Variants in SPTLC3 observed in about 807,000 individuals in gnomAD.
SPTLC3 encodes the protein serine palmitoyltransferase 3.
SPTLC3 carries 36 observed loss-of-function variants against 59.3 expected under a neutral mutation model. That is an observed-to-expected ratio of 0.61 (90% CI 0.47 to 0.80). The LOEUF (loss-of-function observed/expected upper bound fraction) is 0.80, where lower values mean the gene tolerates loss of function less well. Among genes scored for constraint, SPTLC3 ranks in the 30% least tolerant of loss-of-function variants. The pLI is 0.00. For synonymous variants in SPTLC3, 257 were observed against 240.8 expected, an observed-to-expected ratio of 1.07 and a Z score of -0.62; for missense variants, 625 against 685.1, an observed-to-expected ratio of 0.91 and a Z score of 0.98.
intron 4 of SPTLC3, among the ~76,000 whole-genome samples, chr20:13,089,989 A>G (rs1007927125): frequency 6.6e-6 from 1 of 152,186 alleles, no homozygotes; most frequent in African/African-American, 2.4e-5. Context: ...CTTTAGCTTT[A>G]CATTTTAAGT....
chr20:13,072,483 G>A, intron 3 of SPTLC3, 73 bp downstream of exon 3: 1 of 1,421,412 alleles, frequency 7.0e-7, no homozygotes, highest in Non-Finnish European at 9.4e-7. Context: ...GCCACTAGAT[G>A]ACAAATCCAA....
intron 1 of SPTLC3, among the ~76,000 whole-genome samples, chr20:13,016,553 A>G (rs1799487955): frequency 1.3e-5 from 2 of 152,188 alleles, no homozygotes; most frequent in Admixed American, 1.3e-4. Flanking sequence ...ACTCTAGGCT[A>G]TCTACCTTAT....
chr20:13,062,045 T>C (rs1987998013), intron 2 of SPTLC3, among the ~76,000 whole-genome samples: 1 of 152,144 alleles, frequency 6.6e-6, no homozygotes, highest in African/African-American at 2.4e-5. Context: ...TTGCTCTTCC[T>C]CAGACACTAC....
intron 4 of SPTLC3, among the ~76,000 whole-genome samples, chr20:13,080,680 A>G (rs1253142292): frequency 1.3e-5 from 2 of 152,190 alleles, no homozygotes; most frequent in Non-Finnish European, 2.9e-5. Flanking sequence ...GAGTGAAGAA[A>G]AGAGCACTCT....
chr20:13,111,713 T>C (rs1379009600), intron 7 of SPTLC3, among the ~76,000 whole-genome samples: 1 of 152,200 alleles, frequency 6.6e-6, no homozygotes, highest in Non-Finnish European at 1.5e-5. Flanking sequence ...AGGCCTAGAT[T>C]CGTGGGAACA....
At chr20:13,138,495 C>T (rs1475832417) in intron 9 of SPTLC3, among the ~76,000 whole-genome samples, 1 of 152,170 alleles carries the variant, frequency 6.6e-6, no homozygotes, top group Non-Finnish European at 1.5e-5. Context: ...CCTAACCCAG[C>T]CCTCCAAATA....
intron 2 of SPTLC3, among the ~76,000 whole-genome samples, chr20:13,068,760 AAAAC>A (rs1988327873): frequency 6.6e-6 from 1 of 151,820 alleles, no homozygotes; most frequent in Non-Finnish European, 1.5e-5. Context: ...TAAAAAAAAA[AAAAC>A]AACAACAACA....
At chr20:13,022,199 C>T (rs1985920941) in intron 1 of SPTLC3, among the ~76,000 whole-genome samples, 1 of 152,180 alleles carries the variant, frequency 6.6e-6, no homozygotes, top group Non-Finnish European at 1.5e-5. Context: ...CTCCTTCATT[C>T]TATTCTGCAT....
At chr20:13,096,178 G>T (rs1007476574) in intron 6 of SPTLC3, among the ~76,000 whole-genome samples, 2 of 152,092 alleles carry the variant, frequency 1.3e-5, no homozygotes, top group African/African-American at 2.4e-5. Context: ...ATTGCCTGTG[G>T]AGTATAAAAT....
chr20:13,060,085 A>G (rs956849949), intron 2 of SPTLC3, among the ~76,000 whole-genome samples: 3 of 152,092 alleles, frequency 2.0e-5, no homozygotes, highest in African/African-American at 7.2e-5. Flanking sequence ...GCTTCTATCA[A>G]CTACAGAAAA....
chr20:13,102,087 A>C (rs775813596), intron 6 of SPTLC3, among the ~76,000 whole-genome samples: 1 of 152,212 alleles, frequency 6.6e-6, no homozygotes, highest in Admixed American at 6.5e-5. Flanking sequence ...AAAGAAGGCC[A>C]GTGTTTGCCA....
intron 9 of SPTLC3, among the ~76,000 whole-genome samples, chr20:13,147,303 C>T (rs1047856609): frequency 6.6e-6 from 1 of 152,168 alleles, no homozygotes; most frequent in African/African-American, 2.4e-5. Context: ...TCCAAATGTT[C>T]TTTTCTCCAC....
In SPTLC3 at chr20:13,091,224, T is replaced by C; in HGVS notation, c.732+17T>C. 1 of 1,611,642 alleles carries C rather than the reference T, an allele frequency of 6.2e-7. No individual in the cohort carries two copies. Among genetic ancestry groups the C allele is most frequent in the Non-Finnish European group, 8.5e-7 (1 of 1,178,332 alleles). ...GTTGGAAAGGTGAGAATTGTTAACC[T>C]AATTGTCTTCTACTGTATTACTCCT... On this transcript the variant is annotated intron_variant, in intron 5 of 11. Transcript: ENST00000399002.
chr20:13,104,908 C>T (rs1186495396), intron 6 of SPTLC3, among the ~76,000 whole-genome samples: 1 of 150,762 alleles, frequency 6.6e-6, no homozygotes, highest in Non-Finnish European at 1.5e-5. Context: ...TTTTTTTCAT[C>T]TGCAAAAAAC....
intron 2 of SPTLC3, among the ~76,000 whole-genome samples, chr20:13,062,786 T>C (rs975784275): frequency 6.6e-6 from 1 of 152,220 alleles, no homozygotes; most frequent in African/African-American, 2.4e-5. Flanking sequence ...TATATGCCAA[T>C]ACAGAACTAC....
chr20:13,156,839 C>T (rs984992351), intron 10 of SPTLC3, among the ~76,000 whole-genome samples: 12 of 152,302 alleles, frequency 7.9e-5, no homozygotes, highest in South Asian at 2.1e-4. Context: ...TGAATCACCA[C>T]GGTTGCATGG....
chr20:13,105,359 A>G (rs1989828539), intron 6 of SPTLC3, among the ~76,000 whole-genome samples: 2 of 152,148 alleles, frequency 1.3e-5, no homozygotes, highest in Admixed American at 6.6e-5. Flanking sequence ...AGCCACTCCC[A>G]TGGCTATCTC....
Position 13,064,224 on chromosome 20 carries a change from T to C in SPTLC3, c.304-8032T>C, listed in dbSNP as rs541055622. Among the ~76,000 whole-genome samples, 3 of 151,598 alleles carry C rather than the reference T, an allele frequency of 2.0e-5. No individual in the cohort carries two copies. The South Asian group carries it at 6.3e-4, about 32-fold the overall frequency. On this transcript the variant is annotated intron_variant, in intron 2 of 11. Coordinates refer to ENST00000399002, the MANE Select transcript of SPTLC3 (RefSeq NM_018327.4). ...TTTTTTAACGATATTTCTAATAATT[T>C]CCCCAGTATCATTAATTAAATAGTT...
At chr20:13,038,044 G>GAA (rs916277488) in intron 1 of SPTLC3, among the ~76,000 whole-genome samples, 4 of 132,576 alleles carry the variant, frequency 3.0e-5, no homozygotes, top group Admixed American at 2.1e-4. Flanking sequence ...AGAAAATCAT[G>GAA]AATATATATA....
Sources: gnomAD v4.1 joint callset for allele counts (sites outside exome capture counted in the v4.1 genomes callset) on GRCh38, gnomAD v4.1.1 for gene constraint, MANE v1.5 for transcripts, NCBI Gene and HGNC (gene_info 2026-07-23, HGNC 2026-07-21) for gene names.